Variants in CFAP54 observed in about 807,000 individuals in gnomAD.
CFAP54 encodes the protein cilia- and flagella-associated protein 54.
A neutral mutation model predicts 370.4 loss-of-function variants in CFAP54; 290 were observed. That is an observed-to-expected ratio of 0.78 (90% CI 0.71 to 0.86). The LOEUF (loss-of-function observed/expected upper bound fraction) is 0.86, where lower values mean the gene tolerates loss of function less well. Ranked by LOEUF, CFAP54 falls within the 40% of genes least tolerant of loss-of-function variation. The pLI, the probability that CFAP54 is intolerant of heterozygous loss-of-function variation, is 0.00. For missense variants in CFAP54, 3,399 were observed against 3,528.7 expected (o/e 0.96, Z 0.93); for synonymous variants, 1,206 against 1,236.5 (o/e 0.98, Z 0.52).
intron 26 of CFAP54, among the ~76,000 whole-genome samples, chr12:96,601,756 A>T (rs930088388): frequency 7.2e-5 from 11 of 152,200 alleles, no homozygotes; most frequent in African/African-American, 2.7e-4. Context: ...AGGTGTTTAT[A>T]GTATTCTCTG....
Position 96,564,752 on chromosome 12 carries a change from G to T in CFAP54, c.2606G>T (p.Trp869Leu). Residue 869 changes from tryptophan (W) to leucine (L), a missense_variant, in exon 19 of 68, where the codon TGG (tryptophan) becomes TTG (leucine). Physicochemically the swap from Trp to Leu is moderately conservative, Grantham distance 61 (BLOSUM62 -2). Transcript: ENST00000524981. ...AAAGATGCAACTTCTACATCTTCAT[G>T]GGAACTTTTGATGGTAACAGTATTT... ...FEKDATSTSS[W>L]ELLMEAYSLI... 1 of 613,982 alleles carries T rather than the reference G, an allele frequency of 1.6e-6. No homozygotes were observed. The highest frequency in any genetic ancestry group is 2.0e-5 in the South Asian group (1 of 50,084). The allele number at this position is 613,982 out of a possible 1,614,324, so 38.0% of individuals were successfully genotyped here. A position where few individuals can be genotyped will look rare whatever the true frequency, so the allele number is the denominator to read the frequency against.
chr12:96,544,887 C>G (rs141906957), intron 14 of CFAP54, among the ~76,000 whole-genome samples: 37 of 151,868 alleles, frequency 2.4e-4, no homozygotes, highest in Middle Eastern at 3.4e-3. Context: ...GCTGAGGAAG[C>G]TATCAGGTAT....
At chr12:96,627,975 T>A (rs1381525009) in intron 30 of CFAP54, among the ~76,000 whole-genome samples, 1 of 152,238 alleles carries the variant, frequency 6.6e-6, no homozygotes, top group Non-Finnish European at 1.5e-5. Context: ...CATGTTTGGA[T>A]ATGTTTAGAT....
intron 62 of CFAP54, among the ~76,000 whole-genome samples, chr12:96,790,388 G>A (rs568138467): frequency 1.3e-5 from 2 of 151,518 alleles, no homozygotes; most frequent in East Asian, 3.9e-4. Flanking sequence ...TCATCAATTA[G>A]CATATGTAAT....
chr12:96,687,331 C>A (rs899784208), intron 42 of CFAP54, among the ~76,000 whole-genome samples: 1 of 152,140 alleles, frequency 6.6e-6, no homozygotes, highest in Non-Finnish European at 1.5e-5. Flanking sequence ...CTTTGGGGGA[C>A]CATTATTTAG....
chr12:96,685,268 C>T (rs1957315236), intron 42 of CFAP54, 30 bp downstream of exon 42: 1 of 1,597,146 alleles, frequency 6.3e-7, no homozygotes, highest in East Asian at 2.2e-5. Flanking sequence ...GATCCCCGTA[C>T]TAGCTAACAG....
intron 12 of CFAP54, among the ~76,000 whole-genome samples, chr12:96,535,992 G>A (rs566894091): frequency 1.8e-3 from 278 of 152,280 alleles, no homozygotes; most frequent in Non-Finnish European, 3.1e-3. Context: ...CAGTGTTCAG[G>A]TAAAACTATT....
At chr12:96,736,245 G>A (rs1957979095) in intron 50 of CFAP54, among the ~76,000 whole-genome samples, 1 of 152,176 alleles carries the variant, frequency 6.6e-6, no homozygotes, top group Non-Finnish European at 1.5e-5. Context: ...TTATGTGTTA[G>A]CTTTATTTGA....
intron 9 of CFAP54, among the ~76,000 whole-genome samples, chr12:96,532,219 T>C (rs1186065265): frequency 1.3e-5 from 2 of 152,216 alleles, no homozygotes; most frequent in African/African-American, 4.8e-5. Context: ...TTTCAAGATG[T>C]TTTTGCTTTT....
intron 60 of CFAP54, among the ~76,000 whole-genome samples, chr12:96,767,768 G>C (rs957324269): frequency 1.6e-4 from 25 of 151,964 alleles, no homozygotes. Flanking sequence ...AATAAAACTT[G>C]TTTGATTTTC....
chr12:96,601,186 A>G (rs952344560), intron 26 of CFAP54, among the ~76,000 whole-genome samples: 1 of 152,186 alleles, frequency 6.6e-6, no homozygotes, highest in South Asian at 2.1e-4. Flanking sequence ...AATTTTGTCA[A>G]AGGCCTTTTC....
intron 60 of CFAP54, among the ~76,000 whole-genome samples, chr12:96,783,405 C>A (rs1430666796): frequency 1.3e-5 from 2 of 152,002 alleles, no homozygotes; most frequent in Non-Finnish European, 2.9e-5. Flanking sequence ...TTTTCGCTTC[C>A]CAGAGACAAC....
intron 17 of CFAP54, among the ~76,000 whole-genome samples, chr12:96,558,321 A>G (rs1208331365): frequency 2.0e-5 from 3 of 152,202 alleles, no homozygotes; most frequent in Admixed American, 6.6e-5. Context: ...GAAAGAAAGA[A>G]AGGGCATCCA....
At chr12:96,674,922 A>T (rs542940638) in intron 39 of CFAP54, among the ~76,000 whole-genome samples, 24 of 152,350 alleles carry the variant, frequency 1.6e-4, no homozygotes, top group Non-Finnish European at 3.2e-4. Flanking sequence ...CTTACACCTT[A>T]TACAAAAATT....
intron 3 of CFAP54, among the ~76,000 whole-genome samples, chr12:96,505,250 G>T (rs1955086068): frequency 6.6e-6 from 1 of 151,716 alleles, no homozygotes; most frequent in African/African-American, 2.4e-5. Context: ...TTTTAGTAGA[G>T]ATGGGGTTTC....
chr12:96,858,238 T>C (rs1281146256), intron 66 of CFAP54, among the ~76,000 whole-genome samples: 1 of 152,240 alleles, frequency 6.6e-6, no homozygotes, highest in Non-Finnish European at 1.5e-5. Context: ...TTTGCATTTC[T>C]CTAATGATCA....
chr12:96,850,725 A>T (rs1378123417), intron 66 of CFAP54, among the ~76,000 whole-genome samples: 3 of 150,872 alleles, frequency 2.0e-5, no homozygotes, highest in East Asian at 4.2e-4. Flanking sequence ...ACAGTTCTGC[A>T]TGGCAGGAAA....
chr12:96,817,879 A>T lies in CFAP54; in HGVS notation c.9062A>T (p.Glu3021Val). 6.6e-7 allele frequency: 1 copy of T among 1,506,092 alleles called. No individual in the cohort carries two copies. Among genetic ancestry groups the T allele is most frequent in the Non-Finnish European group, 8.8e-7 (1 of 1,131,126 alleles). The allele number at this position is 1,506,092 out of a possible 1,614,324, so 93.3% of individuals were successfully genotyped here. A position where few individuals can be genotyped will look rare whatever the true frequency, so the allele number is the denominator to read the frequency against. ...TCAAATGAAAACATATATGAAGTAG[A>T]AGTGGAAGAGGAATCAGTTGATAAT... ...ITSNENIYEV[E>V]VEEESVDNEM... Residue 3021 changes from glutamate (E) to valine (V), a missense_variant, in exon 65 of 68, where the codon GAA becomes GTA. Coordinates refer to ENST00000524981, the MANE Select transcript of CFAP54 (RefSeq NM_001306084.2).
At position 96,489,583 on chromosome 12, in the gene CFAP54, A is replaced by G; in HGVS notation, c.-27A>G. 1 of 1,489,314 alleles carries G rather than the reference A, an allele frequency of 6.7e-7. No homozygotes were observed. The highest frequency in any genetic ancestry group is 8.9e-7 in the Non-Finnish European group (1 of 1,120,112). The allele number at this position is 1,489,314 out of a possible 1,614,324, so 92.3% of individuals were successfully genotyped here. On this transcript the variant is annotated 5_prime_UTR_variant, in exon 1 of 68. In the 5' UTR this introduces an upstream ATG that the reference lacks. Coordinates refer to ENST00000524981, the MANE Select transcript of CFAP54 (RefSeq NM_001306084.2). ...TCGCCAGGCAACCGCGTGTACACAT[A>G]CTCCAGGCGGGCCGGGGCGCGTCAA...
Sources: allele counts gnomAD v4.1 joint callset (sites outside exome capture counted in the v4.1 genomes callset), GRCh38; gene constraint gnomAD v4.1.1; transcripts MANE v1.5; gene names NCBI Gene and HGNC (gene_info 2026-07-23, HGNC 2026-07-21).